The following CDKL2 variants were observed in gnomAD, a reference collection of about 807,000 sequenced individuals.
CDKL2 encodes the protein cyclin dependent kinase like 2.
Under a neutral mutation model 63.9 loss-of-function variants are expected in CDKL2, and 64 were observed. That is an observed-to-expected ratio of 1.00 (90% CI 0.82 to 1.23). The LOEUF is 1.23. CDKL2 is among the 50% of genes most tolerant of loss of function. CDKL2 has a pLI of 0.00. For synonymous variants in CDKL2, 211 were observed against 229.2 expected (o/e 0.92, Z 0.72); for missense variants, 656 against 668.0 (o/e 0.98, Z 0.20).
At chr4:75,608,996 G>GAAAAA (rs5859470) in intron 3 of CDKL2, among the ~76,000 whole-genome samples, 1 of 120,856 alleles carries the variant, frequency 8.3e-6, no homozygotes, top group Non-Finnish European at 1.7e-5. Context: ...TCCATCTCAA[G>GAAAAA]AAAAAAAAAA....
intron 12 of CDKL2, among the ~76,000 whole-genome samples, chr4:75,588,804 A>C (rs1728583802): frequency 6.7e-6 from 1 of 149,056 alleles, no homozygotes; most frequent in South Asian, 2.1e-4. Context: ...ATCCTTAGAG[A>C]GATGGCTGAT....
At chr4:75,586,304 C>T (rs1728480307) in intron 12 of CDKL2, among the ~76,000 whole-genome samples, 1 of 151,468 alleles carries the variant, frequency 6.6e-6, no homozygotes, top group Non-Finnish European at 1.5e-5. Context: ...TGGCTCACTG[C>T]AAGCTCTGCC....
At chr4:75,606,988 TA>T (rs1292543285) in intron 4 of CDKL2, among the ~76,000 whole-genome samples, 194 bp downstream of exon 4, 3 of 152,146 alleles carry the variant, frequency 2.0e-5, no homozygotes, top group Admixed American at 2.0e-4. Context: ...TCCCCACCTC[TA>T]AAATAAGTAT....
chr4:75,589,299 C>CTTTTTTTTTTTTTTTTTTTTTTTTTTT (rs34052339), intron 12 of CDKL2, among the ~76,000 whole-genome samples: 1 of 88,414 alleles, frequency 1.1e-5, no homozygotes. Flanking sequence ...TTGATAGTTT[C>CTTTTTTTTTTTTTTTTTTTTTTTTTTT]TTTTTTTTTT....
chr4:75,612,314 C>A (rs550212950), intron 3 of CDKL2, among the ~76,000 whole-genome samples: 2 of 152,174 alleles, frequency 1.3e-5, no homozygotes, highest in South Asian at 4.1e-4. Context: ...CTCATGCCAG[C>A]AGTACTTGAC....
chr4:75,591,786 G>C, intron 12 of CDKL2, 33 bp downstream of exon 12: 1 of 1,411,918 alleles, frequency 7.1e-7, no homozygotes. Context: ...AGAGACCCGA[G>C]TTCTGTCCAT....
At chr4:75,589,495 G>A (rs1353984829) in intron 12 of CDKL2, among the ~76,000 whole-genome samples, 1 of 150,852 alleles carries the variant, frequency 6.6e-6, no homozygotes, top group Non-Finnish European at 1.5e-5. Context: ...TAGTAGAGAC[G>A]GGGTTTCACC....
intron 9 of CDKL2, among the ~76,000 whole-genome samples, chr4:75,596,729 C>T (rs1728956697): frequency 1.3e-5 from 2 of 152,208 alleles, no homozygotes; most frequent in Admixed American, 1.3e-4. Flanking sequence ...TAAAACCCTA[C>T]TTTCTCAGGA....
At chr4:75,594,888 T>C in intron 10 of CDKL2, among the ~76,000 whole-genome samples, 1 of 151,996 alleles carries the variant, frequency 6.6e-6, no homozygotes. Flanking sequence ...TTGGAGTCAA[T>C]CCTGCAGGCA....
intron 3 of CDKL2, among the ~76,000 whole-genome samples, chr4:75,608,122 C>CCT (rs35465114): frequency 1.1e-5 from 1 of 88,132 alleles, no homozygotes; most frequent in Non-Finnish European, 2.0e-5. Context: ...GGCCAAAAAC[C>CCT]TTTTTTTTTT....
At chr4:75,610,785 A>G (rs1195856218) in intron 3 of CDKL2, among the ~76,000 whole-genome samples, 1 of 152,192 alleles carries the variant, frequency 6.6e-6, no homozygotes, top group Non-Finnish European at 1.5e-5. Context: ...CATTTTCTTA[A>G]AGTCAAGCAT....
intron 9 of CDKL2, among the ~76,000 whole-genome samples, 153 bp from the exon 10 acceptor site, chr4:75,596,493 C>T (rs1161156242): frequency 6.6e-6 from 1 of 152,116 alleles, no homozygotes; most frequent in East Asian, 1.9e-4. Flanking sequence ...TCTGGTGAAA[C>T]ATTCTATTCT....
In CDKL2 at chr4:75,600,369, T is replaced by G; in HGVS notation, c.796A>C (p.Lys266Gln). Residue 266 changes from lysine (K) to glutamine (Q), a missense_variant and splice_region_variant, in exon 7 of 14, where the codon AAA becomes CAA. Lys to Gln is a moderately conservative substitution (Grantham distance 53, BLOSUM62 1). Transcript: ENST00000307465. ...LSEVVIDLAK[K>Q]CLHIDPDKRP... ...TTGTCGGGGTCAATATGTAAGCATT[T>G]CTGAAAAATTAAGAACACTTAGAGT... The G allele has an allele frequency of 6.3e-7, 1 of 1,599,040 alleles. No homozygotes were observed. Among genetic ancestry groups the G allele is most frequent in the Non-Finnish European group, 8.6e-7 (1 of 1,168,024 alleles).
chr4:75,627,030 C>A (rs951618512), intron 1 of CDKL2, among the ~76,000 whole-genome samples: 3 of 151,266 alleles, frequency 2.0e-5, no homozygotes, highest in Non-Finnish European at 4.4e-5. Context: ...ATGGTGAAAC[C>A]CTGTCTCTAC....
In CDKL2 at chr4:75,592,096, T is replaced by C. The variant is rs1033516902; in HGVS notation, c.1540+50A>G. The C allele has an allele frequency of 4.1e-6, 6 of 1,475,386 alleles. No homozygotes were observed. In the Admixed American group the frequency reaches 1.5e-4, roughly 38 times the overall value. 91.4% of individuals were successfully genotyped at this position (1,475,386 alleles called of 1,614,324 possible). On this transcript the variant is annotated intron_variant, in intron 11 of 13. Transcript: ENST00000307465. ...ATTTTTAAATTCTGTCTAACATACA[T>C]TTTAAATAATCTAAACAGACTACAC...
intron 12 of CDKL2, among the ~76,000 whole-genome samples, chr4:75,585,808 T>C (rs925608694): frequency 6.6e-6 from 1 of 151,882 alleles, no homozygotes; most frequent in East Asian, 1.9e-4. Flanking sequence ...AAGAGAGAAA[T>C]AGGCAATTCT....
chr4:75,605,617 G>T lies in CDKL2; in HGVS notation c.560C>A (p.Ala187Asp), dbSNP rs1244668244. Reference sequence around the variant, plus strand: ...CATTTCAGTTACCAGACAACCAATGGCCCACACATCAACAGCCCTGAAAGA... The same window carrying T: ...CATTTCAGTTACCAGACAACCAATGTCCCACACATCAACAGCCCTGAAAGA... ...VKYGKAVDVW[A>D]IGCLVTEMFM... Residue 187 changes from alanine (A) to aspartate (D), a missense_variant, in exon 5 of 14, where the codon GCC becomes GAC. Transcript: ENST00000307465. 1 of 1,612,604 alleles carries T rather than the reference G, an allele frequency of 6.2e-7. No homozygotes were observed. The highest frequency in any genetic ancestry group is 8.5e-7 in the Non-Finnish European group (1 of 1,178,714).
At chr4:75,583,425 A>C (rs931600695) in intron 12 of CDKL2, among the ~76,000 whole-genome samples, 1 of 152,230 alleles carries the variant, frequency 6.6e-6, no homozygotes, top group Admixed American at 6.5e-5. Context: ...AATCCTTTGC[A>C]TTCCAAAATC....
chr4:75,592,631 A>G (rs1728765457), intron 10 of CDKL2, among the ~76,000 whole-genome samples: 1 of 152,224 alleles, frequency 6.6e-6, no homozygotes, highest in African/African-American at 2.4e-5. Flanking sequence ...CTTTTCAGCA[A>G]ATAGTTGCTG....
Sources: allele counts gnomAD v4.1 joint callset (sites outside exome capture counted in the v4.1 genomes callset), GRCh38; gene constraint gnomAD v4.1.1; transcripts MANE v1.5; gene names NCBI Gene and HGNC (gene_info 2026-07-23, HGNC 2026-07-21).